The following SMC5 variants were observed in gnomAD, a reference collection of about 807,000 sequenced individuals.
SMC5 encodes structural maintenance of chromosomes 5, also known as structural maintenance of chromosomes protein 5.
In SMC5, 88 loss-of-function variants were observed where a neutral mutation model predicts 148.3. That is an observed-to-expected ratio of 0.59 (90% confidence interval 0.50 to 0.71). SMC5 has a LOEUF of 0.71. SMC5 is among the 30% of genes least tolerant of loss of function. The pLI is 0.00. For missense variants in SMC5, 1,142 were observed against 1,298.9 expected, an observed-to-expected ratio of 0.88 and a Z score of 1.86; for synonymous variants, 421 against 432.8, an observed-to-expected ratio of 0.97 and a Z score of 0.34.
At chr9:70,285,375 A>G (rs1280413099) in intron 7 of SMC5, among the ~76,000 whole-genome samples, 2 of 152,208 alleles carry the variant, frequency 1.3e-5, no homozygotes, top group East Asian at 3.8e-4. Context: ...AACATTTTAA[A>G]AGTCCTGTCT....
At chr9:70,301,368 C>T (rs912994295) in intron 10 of SMC5, among the ~76,000 whole-genome samples, 1 of 152,050 alleles carries the variant, frequency 6.6e-6, no homozygotes, top group Admixed American at 6.5e-5. Context: ...AAATTGCATT[C>T]GAATCTTTGA....
chr9:70,282,073 G>T (rs1337927140), intron 6 of SMC5, among the ~76,000 whole-genome samples: 2 of 147,128 alleles, frequency 1.4e-5, no homozygotes, highest in African/African-American at 2.5e-5. Context: ...TTATACTTGA[G>T]TTTCTTTTGC....
intron 1 of SMC5, among the ~76,000 whole-genome samples, 184 bp downstream of exon 1, chr9:70,259,447 G>T (rs1433559453): frequency 3.9e-5 from 6 of 152,210 alleles, no homozygotes; most frequent in Admixed American, 3.9e-4. Flanking sequence ...CGTGTATGAT[G>T]TAGGAGATGT....
chr9:70,294,845 C>T (rs2035152612), intron 8 of SMC5, among the ~76,000 whole-genome samples: 1 of 152,052 alleles, frequency 6.6e-6, no homozygotes, highest in Non-Finnish European at 1.5e-5. Context: ...ATGTTTAAGT[C>T]ACATGATGAC....
chr9:70,318,829 G>A lies in SMC5; in HGVS notation c.2016G>A (p.Gly672=). 1 of 1,601,854 alleles carries A rather than the reference G, an allele frequency of 6.2e-7. No individual in the cohort carries two copies. Among genetic ancestry groups the A allele is most frequent in the Non-Finnish European group, 8.5e-7 (1 of 1,175,818 alleles). ...GAAAATTGCAAGCAGTGGATTCAGG[G>A]TTGATTGCCTTACGTGAAACAAGCA... ...IHRKLQAVDS[G]LIALRETSKH... The change falls in exon 15 of 25, where the codon GGG becomes GGA. Residue 672 remains glycine (G), a synonymous_variant. Coordinates refer to ENST00000361138, the MANE Select transcript of SMC5 (RefSeq NM_015110.4).
rs758033241 is a variant in SMC5 at position 70,347,598 on chromosome 9, T to C, written c.2665-15T>C. On this transcript the variant is annotated splice_polypyrimidine_tract_variant and intron_variant, in intron 20 of 24. Transcript: ENST00000361138. ...GGTAGATTTATCTTAAAGAAGTTTT[T>C]TTTTCCCCTGCCAGATTGTTCAGGA... The C allele has an allele frequency of 9.9e-6, 14 of 1,414,398 alleles. No homozygotes were observed. The Admixed American group carries it at 2.0e-4, about 20-fold the overall frequency. The allele number at this position is 1,414,398 out of a possible 1,614,324, so 87.6% of individuals were successfully genotyped here. A position where few individuals can be genotyped will look rare whatever the true frequency, so the allele number is the denominator to read the frequency against.
chr9:70,264,686 C>CT lies in SMC5; in HGVS notation c.327+250dup, dbSNP rs961791538. ...AAATGCTAGAAATAATGTAATATGT[C>CT]TTTTTTTTTAAATGCATCACTTGGC... On this transcript the variant is annotated intron_variant, in intron 2 of 24. Transcript: ENST00000361138. Among the ~76,000 whole-genome samples, 299 of 151,320 alleles carry CT rather than the reference C, an allele frequency of 2.0e-3. 1 individual carries two copies. The highest frequency in any genetic ancestry group is 6.6e-3 in the African/African-American group (271 of 41,270).
At chr9:70,267,840 A>G in intron 2 of SMC5, 83 bp from the exon 3 acceptor site, 1 of 1,269,926 alleles carries the variant, frequency 7.9e-7, no homozygotes, top group Non-Finnish European at 1.1e-6. Context: ...TCTTGATTTG[A>G]CAAATAATAA....
chr9:70,281,866 T>C (rs1034878920), intron 6 of SMC5, among the ~76,000 whole-genome samples: 8 of 152,058 alleles, frequency 5.3e-5, no homozygotes, highest in Non-Finnish European at 8.8e-5. Context: ...TCTTCTTTTT[T>C]GATGTACTTA....
At position 70,331,944 on chromosome 9, in the gene SMC5, T is replaced by A. The variant is rs1443872824; in HGVS notation, c.2397+7801T>A. On this transcript the variant is annotated intron_variant, in intron 17 of 24. Transcript: ENST00000361138. ...CTCATCTTACTGCTTGGAAAGAGTT[T>A]CCACACCACAATGCACGTAGCATGA... Among the ~76,000 whole-genome samples the A allele has an allele frequency of 2.0e-5, 3 of 152,130 alleles. No homozygotes were observed. In the East Asian group the frequency reaches 5.8e-4, roughly 29 times the overall value.
At chr9:70,325,838 TTATAG>T (rs1285792494) in intron 17 of SMC5, among the ~76,000 whole-genome samples, 2 of 152,142 alleles carry the variant, frequency 1.3e-5, no homozygotes, top group African/African-American at 4.8e-5. Flanking sequence ...TCAAAATTAT[TTATAG>T]TAGGGAGCCA....
chr9:70,325,857 G>A (rs1350899329), intron 17 of SMC5, among the ~76,000 whole-genome samples: 2 of 152,078 alleles, frequency 1.3e-5, no homozygotes, highest in Non-Finnish European at 2.9e-5. Flanking sequence ...GGAGCCAATA[G>A]ATAGTATCCC....
At position 70,315,485 on chromosome 9, in the gene SMC5, T is replaced by C; in HGVS notation, c.1713T>C (p.Asp571=). The C allele has an allele frequency of 6.3e-7, 1 of 1,595,554 alleles. No individual in the cohort carries two copies. Among genetic ancestry groups the C allele is most frequent in the Non-Finnish European group, 8.6e-7 (1 of 1,168,906 alleles). Residue 571 remains aspartate, a synonymous_variant, in exon 13 of 25, where the codon GAT becomes GAC. Coordinates refer to ENST00000361138, the MANE Select transcript of SMC5 (RefSeq NM_015110.4). The part of the protein sequence containing the change: ...GFFSYLRELF[D]APDPVMSYLC... The stretch of plus-strand genomic sequence containing the variant: ...TCTCTTATTTGAGAGAATTATTTGA[T>C]GCACCTGATCCTGTAATGAGTTACC...
chr9:70,306,195 T>A (rs1266213983), intron 11 of SMC5, among the ~76,000 whole-genome samples: 1 of 152,232 alleles, frequency 6.6e-6, no homozygotes, highest in Non-Finnish European at 1.5e-5. Context: ...TGTCTTCTAT[T>A]TCTTTAAAAG....
chr9:70,305,434 G>C (rs1208544205), intron 11 of SMC5, 74 bp downstream of exon 11: 1 of 853,080 alleles, frequency 1.2e-6, no homozygotes, highest in African/African-American at 1.7e-5. Context: ...AAATTCACTA[G>C]AGCAAAATGT....
intron 3 of SMC5, among the ~76,000 whole-genome samples, chr9:70,268,473 C>T (rs1056183274): frequency 1.4e-5 from 2 of 147,198 alleles, no homozygotes; most frequent in African/African-American, 2.5e-5. Context: ...AAAAAAAAAA[C>T]TTGTGAGAAT....
At chr9:70,322,641 GCCTGGCCAACATGATGAAAC>G (rs200512259) in intron 15 of SMC5, among the ~76,000 whole-genome samples, 4,178 of 152,200 alleles carry the variant, frequency 0.027, 79 homozygotes, top group Middle Eastern at 0.044. Flanking sequence ...TTTGAGACCA[GCCTGGCCAACATGATGAAAC>G]CCTGTCTCTA....
At chr9:70,298,995 ATTT>A (rs944209468) in intron 9 of SMC5, among the ~76,000 whole-genome samples, 7 of 151,894 alleles carry the variant, frequency 4.6e-5, no homozygotes, top group East Asian at 1.9e-4. Context: ...ATTAATAATG[ATTT>A]TTATTATTAT....
intron 11 of SMC5, chr9:70,311,269 T>C (rs887552021): frequency 6.6e-6 from 1 of 152,198 alleles, no homozygotes; most frequent in African/African-American, 2.4e-5. Context: ...TTAATTGTTC[T>C]GATTTCATTA....
Sources: allele counts gnomAD v4.1 joint callset (sites outside exome capture counted in the v4.1 genomes callset), GRCh38; gene constraint gnomAD v4.1.1; transcripts MANE v1.5; gene names NCBI Gene and HGNC (gene_info 2026-07-23, HGNC 2026-07-21).